Variants in HAT1 observed in about 807,000 individuals in gnomAD.
HAT1 encodes histone acetyltransferase type B catalytic subunit.
In HAT1, 20 loss-of-function variants were observed where a neutral mutation model predicts 56.6. That is an observed-to-expected ratio of 0.35 (90% confidence interval 0.25 to 0.51). The LOEUF is 0.51. Ranked by LOEUF, HAT1 falls within the 20% of genes least tolerant of loss-of-function variation. HAT1 has a pLI of 0.95. For synonymous variants in HAT1, 146 were observed against 165.5 expected, an observed-to-expected ratio of 0.88 and a Z score of 0.91; for missense variants, 408 against 504.3, an observed-to-expected ratio of 0.81 and a Z score of 1.83.
chr2:171,941,646 A>G (rs953670515), intron 2 of HAT1, among the ~76,000 whole-genome samples: 1 of 152,130 alleles, frequency 6.6e-6, no homozygotes, highest in Non-Finnish European at 1.5e-5. Context: ...TTTTGCTCCT[A>G]TGAGAGTCTA....
intron 4 of HAT1, among the ~76,000 whole-genome samples, chr2:171,960,847 T>TA (rs370390773): frequency 6.6e-4 from 96 of 145,756 alleles, no homozygotes; most frequent in East Asian, 3.5e-3. Flanking sequence ...CCCTGCCTAT[T>TA]AAAAAAAAAA....
intron 2 of HAT1, among the ~76,000 whole-genome samples, chr2:171,931,271 G>T (rs1047189819): frequency 2.6e-5 from 4 of 152,066 alleles, no homozygotes; most frequent in African/African-American, 9.7e-5. Flanking sequence ...TGCATCTGTA[G>T]TTGCTACTCA....
Position 171,925,634 on chromosome 2 carries a change from A to C in HAT1, c.105A>C (p.Leu35=), listed in dbSNP as rs1414674894. 3.0e-6 allele frequency: 4 copies of C among 1,345,018 alleles called. No homozygotes were observed. Among genetic ancestry groups the C allele is most frequent in the Non-Finnish European group, 4.3e-6 (4 of 934,266 alleles). The allele number at this position is 1,345,018 out of a possible 1,614,324, so 83.3% of individuals were successfully genotyped here. A position where few individuals can be genotyped will look rare whatever the true frequency, so the allele number is the denominator to read the frequency against. Residue 35 remains leucine, a synonymous_variant, in exon 2 of 11, where the codon CTA becomes CTC. Transcript: ENST00000264108. ...GTAACACCAACACAGCAATTGAACT[A>C]AAATTAGGTATGTATGCCATTTCTA... is the stretch of plus-strand genomic sequence containing the variant. ...YKCNTNTAIE[L]KLVRFPEDLE...
chr2:171,943,473 T>C (rs1231846616), intron 2 of HAT1, among the ~76,000 whole-genome samples: 1 of 149,340 alleles, frequency 6.7e-6, no homozygotes, highest in Non-Finnish European at 1.5e-5. Context: ...TCACTCTGCT[T>C]TTTCAAGTCT....
chr2:171,938,818 G>A (rs1247959118), intron 2 of HAT1, among the ~76,000 whole-genome samples: 1 of 151,876 alleles, frequency 6.6e-6, no homozygotes, highest in East Asian at 1.9e-4. Flanking sequence ...TCAGCTCACT[G>A]CAACCTCCAC....
In HAT1 at chr2:171,977,557, A is replaced by ATTTTTTTTTTT. The variant is rs1172067451; in HGVS notation, c.975+1261_975+1271dup. 1.6e-3 allele frequency among the ~76,000 whole-genome samples: 26 copies of ATTTTTTTTTTT among 16,310 alleles called. 2 individuals are homozygous for ATTTTTTTTTTT. The highest frequency in any genetic ancestry group is 2.3e-3 in the Non-Finnish European group (21 of 9,242). 10.7% of individuals were successfully genotyped at this position (16,310 alleles called of 152,430 possible). On this transcript the variant is annotated intron_variant, in intron 9 of 10. Coordinates refer to ENST00000264108, the MANE Select transcript of HAT1 (RefSeq NM_003642.4). The stretch of plus-strand genomic sequence containing the variant: ...TATATATATATATATATATATATAT[A>ATTTTTTTTTTT]TTTTTTTTTTTTTTTTTTTTTTAAT...
chr2:171,964,339 A>G (rs1013977327), intron 4 of HAT1, among the ~76,000 whole-genome samples: 1 of 152,190 alleles, frequency 6.6e-6, no homozygotes, highest in African/African-American at 2.4e-5. Context: ...CCTTGTGGAA[A>G]TAGATACAAT....
chr2:171,974,197 A>AAAAG (rs1687900625), intron 8 of HAT1, among the ~76,000 whole-genome samples: 2 of 82,268 alleles, frequency 2.4e-5, no homozygotes, highest in Admixed American at 1.4e-4. Context: ...AAAAAAGAAA[A>AAAAG]AAAGAAAAAG....
chr2:171,977,434 C>T (rs1396405638), intron 9 of HAT1, among the ~76,000 whole-genome samples: 1 of 145,768 alleles, frequency 6.9e-6, no homozygotes, highest in Non-Finnish European at 1.5e-5. Context: ...TACACTCCAG[C>T]CTGGGCAACA....
At position 171,925,569 on chromosome 2, in the gene HAT1, T is replaced by C. The variant is rs1008562218; in HGVS notation, c.40T>C (p.Tyr14His). The change falls in exon 2 of 11, where the codon TAT becomes CAT. Residue 14 changes from tyrosine to histidine, a missense_variant. Physicochemically the swap from Tyr to His is moderately conservative, Grantham distance 83. Coordinates refer to ENST00000264108, the MANE Select transcript of HAT1 (RefSeq NM_003642.4). Reference sequence around the variant, plus strand: ...TGCTATGGAGAAATTTTTGGTAGAATATAAGAGTGCAGTGGAGAAGAAACT... The same window carrying C: ...TGCTATGGAGAAATTTTTGGTAGAACATAAGAGTGCAGTGGAGAAGAAACT... ...FGAMEKFLVE[Y>H]KSAVEKKLAE... 6.4e-7 allele frequency: 1 copy of C among 1,574,092 alleles called. No homozygotes were observed. Among genetic ancestry groups the C allele is most frequent in the Non-Finnish European group, 8.7e-7 (1 of 1,143,648 alleles).
chr2:171,952,652 T>G (rs919521391), intron 3 of HAT1, among the ~76,000 whole-genome samples: 1 of 152,254 alleles, frequency 6.6e-6, no homozygotes, highest in East Asian at 1.9e-4. Flanking sequence ...ATAAGTAGTT[T>G]ACATGTATTA....
rs764929646 is a variant in HAT1 at position 171,979,098 on chromosome 2, CT to C, written c.976-147del. The C allele has an allele frequency of 1.3e-4, 75 of 589,192 alleles. 1 individual carries two copies. Among genetic ancestry groups the C allele is most frequent in the Non-Finnish European group, 1.9e-4 (62 of 324,522 alleles). The allele number at this position is 589,192 out of a possible 1,614,324, so 36.5% of individuals were successfully genotyped here. ...ATCATTTGTGTTACCCACTAGACTGCTTGAGGGCAACTACTTTTATTGCCTT... is the reference window on the plus strand; with the variant it reads ...ATCATTTGTGTTACCCACTAGACTGCTGAGGGCAACTACTTTTATTGCCTT... On this transcript the variant is annotated intron_variant, in intron 9 of 10. Transcript: ENST00000264108.
intron 2 of HAT1, among the ~76,000 whole-genome samples, chr2:171,933,126 TGGC>T: frequency 6.6e-6 from 1 of 152,176 alleles, no homozygotes; most frequent in Non-Finnish European, 1.5e-5. Flanking sequence ...GGTGTGATCA[TGGC>T]TCACTGTAGC....
rs938480846 is a variant in HAT1 at position 171,949,689 on chromosome 2, A to T, written c.188+2906A>T. On this transcript the variant is annotated intron_variant, in intron 3 of 10. Transcript: ENST00000264108. The stretch of plus-strand genomic sequence containing the variant: ...ACTCTGTCTCAAAAAAAAAAAAAAA[A>T]TTTTTTTTTAAGAGATGGGGGTCTT... Among the ~76,000 whole-genome samples, 774 of 131,604 alleles carry T rather than the reference A, an allele frequency of 5.9e-3. 7 individuals carry two copies. The highest frequency in any genetic ancestry group is 0.015 in the African/African-American group (449 of 30,476). The allele number at this position is 131,604 out of a possible 152,430, so 86.3% of individuals were successfully genotyped here.
rs140227773 is a variant in HAT1, at chr2:171,931,441, G to A, written c.112+5800G>A. On this transcript the variant is annotated intron_variant, in intron 2 of 10. Coordinates refer to ENST00000264108, the MANE Select transcript of HAT1 (RefSeq NM_003642.4). ...ATGGTGGCTCACGCCTGTAATACCA[G>A]CACTTTGGGAGGCTGAGGCAAGAGT... Among the ~76,000 whole-genome samples, 244 of 152,226 alleles carry A rather than the reference G, an allele frequency of 1.6e-3. 6 individuals are homozygous for A. In the East Asian group the frequency reaches 0.027, roughly 17 times the overall value.
chr2:171,931,918 A>C (rs569476607), intron 2 of HAT1, among the ~76,000 whole-genome samples: 1 of 152,294 alleles, frequency 6.6e-6, no homozygotes, highest in East Asian at 1.9e-4. Context: ...AAGAAGGAAA[A>C]TTTTGAGCCT....
At chr2:171,982,979 A>C (rs781206793) in intron 10 of HAT1, among the ~76,000 whole-genome samples, 1 of 152,082 alleles carries the variant, frequency 6.6e-6, no homozygotes, top group Non-Finnish European at 1.5e-5. Flanking sequence ...TCTTCTTGTT[A>C]ACTCTTTTTA....
At chr2:171,930,225 T>C (rs996343510) in intron 2 of HAT1, among the ~76,000 whole-genome samples, 2 of 152,152 alleles carry the variant, frequency 1.3e-5, no homozygotes, top group African/African-American at 4.8e-5. Flanking sequence ...GAGGATGGAG[T>C]GCAGTAGCGT....
At chr2:171,971,238 G>A (rs1396095309) in intron 8 of HAT1, among the ~76,000 whole-genome samples, 1 of 152,158 alleles carries the variant, frequency 6.6e-6, no homozygotes, top group Non-Finnish European at 1.5e-5. Flanking sequence ...AGAGATACTT[G>A]CTTAAGCGTT....
Sources: gnomAD v4.1 joint callset for allele counts (sites outside exome capture counted in the v4.1 genomes callset) on GRCh38, gnomAD v4.1.1 for gene constraint, MANE v1.5 for transcripts, NCBI Gene and HGNC (gene_info 2026-07-23, HGNC 2026-07-21) for gene names.